TRERF1: variants seen among roughly 807,000 people sequenced by gnomAD.
The protein encoded by TRERF1 is transcriptional-regulating factor 1.
Under a neutral mutation model 122.9 loss-of-function variants are expected in TRERF1, and 27 were observed. That is an observed-to-expected ratio of 0.22 (90% CI 0.16 to 0.30). TRERF1 has a LOEUF of 0.30. Among genes scored for constraint, TRERF1 ranks in the 10% least tolerant of loss-of-function variants. TRERF1 has a pLI of 1.00. For missense variants in TRERF1, 1,248 were observed against 1,560.3 expected, an observed-to-expected ratio of 0.80 and a Z score of 3.37; for synonymous variants, 636 against 641.7, an observed-to-expected ratio of 0.99 and a Z score of 0.13.
chr6:42,352,056 G>C (rs1376820792), intron 3 of TRERF1, among the ~76,000 whole-genome samples: 1 of 152,180 alleles, frequency 6.6e-6, no homozygotes, highest in Non-Finnish European at 1.5e-5. Context: ...ACAGGCTGGA[G>C]TACAGTGGCA....
intron 4 of TRERF1, among the ~76,000 whole-genome samples, chr6:42,290,626 A>G (rs909662854): frequency 6.7e-6 from 1 of 148,266 alleles, no homozygotes; most frequent in Non-Finnish European, 1.5e-5. Context: ...CACCCAGAAC[A>G]TCATTTTTTT....
chr6:42,258,212 A>G lies in TRERF1; in HGVS notation c.2270-11T>C. ...TGCCATCGATGCTGTCTAAAACACAAAAATCAGAGGTCACTAGTCAACAGG... is the reference window on the plus strand; with the variant it reads ...TGCCATCGATGCTGTCTAAAACACAGAAATCAGAGGTCACTAGTCAACAGG... On this transcript the variant is annotated splice_polypyrimidine_tract_variant and intron_variant, in intron 9 of 17. Coordinates refer to ENST00000372922, the Ensembl canonical transcript of TRERF1. 5.0e-6 allele frequency: 8 copies of G among 1,613,910 alleles called. No individual in the cohort carries two copies. The highest frequency in any genetic ancestry group is 6.8e-6 in the Non-Finnish European group (8 of 1,179,826).
chr6:42,309,437 T>C (rs1052755183), intron 3 of TRERF1, among the ~76,000 whole-genome samples: 9 of 152,224 alleles, frequency 5.9e-5, no homozygotes, highest in Non-Finnish European at 1.2e-4. Flanking sequence ...CTCTCCCTAC[T>C]CTATGCCACT....
Position 42,263,344 on chromosome 6 carries a change from C to A in TRERF1, c.1860G>T (p.Met620Ile). The change falls in exon 8 of 18, where the codon ATG (methionine) becomes ATT (isoleucine). Residue 620 changes from methionine (M) to isoleucine (I), a missense_variant. Physicochemically the swap from Met to Ile is conservative, Grantham distance 10. Coordinates refer to ENST00000372922, the Ensembl canonical transcript of TRERF1. This position sits in a 1 kb window ranked among gnomAD's most constrained non-coding sequence, Gnocchi z 5.6. ...CGAGCACAGGCATCTCGTCGTCCGA[C>A]ATCGAGCTGGCTGGCTTGTCTCTGG... 13 of 1,612,886 alleles carry A rather than the reference C, an allele frequency of 8.1e-6. No homozygotes were observed. Among genetic ancestry groups the A allele is most frequent in the Non-Finnish European group, 8.5e-6 (10 of 1,179,546 alleles).
At chr6:42,327,680 A>G (rs183456311) in intron 3 of TRERF1, among the ~76,000 whole-genome samples, 13 of 152,380 alleles carry the variant, frequency 8.5e-5, no homozygotes, top group Non-Finnish European at 8.8e-5. Context: ...TGTCTGGAAC[A>G]TAGTTGGTAC....
chr6:42,437,249 T>C (rs1041803827), intron 2 of TRERF1, among the ~76,000 whole-genome samples: 2 of 152,108 alleles, frequency 1.3e-5, no homozygotes, highest in Admixed American at 6.5e-5. Context: ...CCAAATCATG[T>C]GGAATAATTT....
chr6:42,283,223 T>C (rs959725292), intron 4 of TRERF1, among the ~76,000 whole-genome samples: 1 of 152,192 alleles, frequency 6.6e-6, no homozygotes, highest in Non-Finnish European at 1.5e-5. Context: ...TGGAGTTGCC[T>C]TGTTTAACCT....
rs1242935367 is a variant in TRERF1 at position 42,344,017 on chromosome 6, C to T, written c.-371+18980G>A. 2.6e-5 allele frequency among the ~76,000 whole-genome samples: 4 copies of T among 152,170 alleles called. No homozygotes were observed. The East Asian group carries it at 5.8e-4, about 22-fold the overall frequency. ...CCCCAACCATCCCTTGGCCCCAGGC[C>T]GACAGAGCAGGCAGGAAGGCACTGC... On this transcript the variant is annotated intron_variant, in intron 3 of 17. Transcript: ENST00000372922.
intron 2 of TRERF1, among the ~76,000 whole-genome samples, chr6:42,412,212 G>A (rs1781213271): frequency 1.3e-5 from 2 of 152,028 alleles, no homozygotes; most frequent in Non-Finnish European, 1.5e-5. Context: ...TGTTAGTCAG[G>A]CTGGTCTCGA....
chr6:42,254,004 G>A (rs1776290928), intron 13 of TRERF1, among the ~76,000 whole-genome samples: 1 of 152,208 alleles, frequency 6.6e-6, no homozygotes, highest in African/African-American at 2.4e-5. Flanking sequence ...ACCCTCAGAA[G>A]GAACAGTTAG....
chr6:42,368,004 A>T (rs183308284), intron 2 of TRERF1, among the ~76,000 whole-genome samples: 1 of 152,024 alleles, frequency 6.6e-6, no homozygotes, highest in East Asian at 1.9e-4. Context: ...TTTTACTTGC[A>T]TTGCTCACAC....
Position 42,269,622 on chromosome 6 carries a change from C to A in TRERF1, c.-32G>T. ...TGCCTTGGTTGTGAACGTCCAGCCA[C>A]AAAACCATAAAAAAGGTAAATAAAA... On this transcript the variant is annotated 5_prime_UTR_variant, in exon 5 of 18. Transcript: ENST00000372922. The surrounding 1 kb of genome is among the most constrained non-coding windows in gnomAD (Gnocchi z 4.9). 1 of 1,595,246 alleles carries A rather than the reference C, an allele frequency of 6.3e-7. No homozygotes were observed. The highest frequency in any genetic ancestry group is 8.5e-7 in the Non-Finnish European group (1 of 1,169,968).
At chr6:42,241,539 G>C (rs60099415) in intron 15 of TRERF1, among the ~76,000 whole-genome samples, 24 of 151,672 alleles carry the variant, frequency 1.6e-4, no homozygotes, top group African/African-American at 5.8e-4. Context: ...TCGGCTCACC[G>C]CAACTTCTGC....
rs192991861 is a variant in TRERF1, at chr6:42,356,002, T to A, written c.-371+6995A>T. On this transcript the variant is annotated intron_variant, in intron 3 of 17. Coordinates refer to ENST00000372922, the Ensembl canonical transcript of TRERF1. The stretch of plus-strand genomic sequence containing the variant: ...GGCAACCACAACTTTACCACTGACA[T>A]TCGGAACTAGGAAAGCTGAGACCTG... Among the ~76,000 whole-genome samples, 368 of 152,326 alleles carry A rather than the reference T, an allele frequency of 2.4e-3. 2 individuals carry two copies. Among genetic ancestry groups the A allele is most frequent in the African/African-American group, 8.1e-3 (338 of 41,562 alleles).
chr6:42,339,290 C>G lies in TRERF1; in HGVS notation c.-371+23707G>C, dbSNP rs186553118. ...ATGGTCTTTCCTGTCCTCCACGTCTCTCCTTCCATCTGCTTCACCTCCTTG... is the reference window on the plus strand; with the variant it reads ...ATGGTCTTTCCTGTCCTCCACGTCTGTCCTTCCATCTGCTTCACCTCCTTG... On this transcript the variant is annotated intron_variant, in intron 3 of 17. Coordinates refer to ENST00000372922, the Ensembl canonical transcript of TRERF1. Among the ~76,000 whole-genome samples, 512 of 152,350 alleles carry G rather than the reference C, an allele frequency of 3.4e-3. 2 individuals carry two copies. The highest frequency in any genetic ancestry group is 0.011 in the African/African-American group (475 of 41,594).
chr6:42,440,880 T>C (rs76708553), intron 2 of TRERF1, among the ~76,000 whole-genome samples: 2,097 of 152,250 alleles, frequency 0.014, 46 homozygotes, highest in African/African-American at 0.046. Context: ...CCTGAGTTTC[T>C]GCTATTATTG....
At chr6:42,339,782 A>G (rs1766894426) in intron 3 of TRERF1, among the ~76,000 whole-genome samples, 1 of 152,212 alleles carries the variant, frequency 6.6e-6, no homozygotes, top group East Asian at 1.9e-4. Flanking sequence ...TGTATGAATT[A>G]GCCCAGTGCT....
At chr6:42,301,014 G>GAGAC (rs3074802) in intron 3 of TRERF1, among the ~76,000 whole-genome samples, 370 of 151,912 alleles carry the variant, frequency 2.4e-3, no homozygotes, top group Admixed American at 4.5e-3. Context: ...GAGAGAGAGA[G>GAGAC]AGACAGACAG....
chr6:42,277,974 A>AGAAGAAGAAG (rs1161319382), intron 4 of TRERF1, among the ~76,000 whole-genome samples: 1 of 147,000 alleles, frequency 6.8e-6, no homozygotes, highest in Non-Finnish European at 1.5e-5. Context: ...AAGAAGAAGA[A>AGAAGAAGAAG]GACTGCAATA....
Sources: gnomAD v4.1 joint callset for allele counts (sites outside exome capture counted in the v4.1 genomes callset) on GRCh38, gnomAD v4.1.1 for gene constraint, Gnocchi (gnomAD v3.1) non-coding constraint, MANE v1.5 for transcripts, NCBI Gene and HGNC (gene_info 2026-07-23, HGNC 2026-07-21) for gene names.